The following PFDN1 variants were observed in gnomAD, a reference collection of about 807,000 sequenced individuals.
PFDN1 encodes prefoldin subunit 1.
In PFDN1, 6 loss-of-function variants were observed where a neutral mutation model predicts 17.3. The ratio of observed to expected loss-of-function variants is 0.35; its 90% CI spans 0.19 to 0.69. The LOEUF (loss-of-function observed/expected upper bound fraction) is 0.69, where lower values mean the gene tolerates loss of function less well. Among genes scored for constraint, PFDN1 ranks in the 30% least tolerant of loss-of-function variants. PFDN1 has a pLI of 0.65. For synonymous variants in PFDN1, 58 were observed against 50.1 expected (o/e 1.16, Z -0.67); for missense variants, 113 against 146.2 (o/e 0.77, Z 1.17).
intron 3 of PFDN1, among the ~76,000 whole-genome samples, chr5:140,263,845 C>G (rs1765097867): frequency 6.6e-6 from 1 of 151,426 alleles, no homozygotes; most frequent in African/African-American, 2.4e-5. Context: ...CACAGTGAAA[C>G]CCCGTCTCTA....
intron 3 of PFDN1, among the ~76,000 whole-genome samples, chr5:140,268,999 C>T (rs539807193): frequency 6.6e-6 from 1 of 151,992 alleles, no homozygotes; most frequent in Non-Finnish European, 1.5e-5. Flanking sequence ...AATAGGATTC[C>T]AATTAACTTT....
At position 140,245,091 on chromosome 5, in the gene PFDN1, T is replaced by G; in HGVS notation, c.*883A>C. 4.6e-6 allele frequency: 1 copy of G among 215,854 alleles called. No individual in the cohort carries two copies. 13.4% of individuals were successfully genotyped at this position (215,854 alleles called of 1,614,324 possible). A position where few individuals can be genotyped will look rare whatever the true frequency, so the allele number is the denominator to read the frequency against. ...ATTAGGGATGCATTTTGAATATTTA[T>G]TGTCCTTGTTTTTAACATAATTTGC... is the stretch of plus-strand genomic sequence containing the variant. On this transcript the variant is annotated 3_prime_UTR_variant, in exon 4 of 4. Transcript: ENST00000261813.
chr5:140,255,252 T>C (rs1334669855), intron 3 of PFDN1, among the ~76,000 whole-genome samples: 2 of 152,252 alleles, frequency 1.3e-5, no homozygotes, highest in Non-Finnish European at 2.9e-5. Flanking sequence ...CCTGTATGTA[T>C]AGTCTCTTCT....
intron 3 of PFDN1, among the ~76,000 whole-genome samples, chr5:140,249,287 TG>T (rs1764877856): frequency 6.6e-6 from 1 of 152,252 alleles, no homozygotes; most frequent in Non-Finnish European, 1.5e-5. Flanking sequence ...CAATCATTAG[TG>T]TCCAAACAAG....
intron 2 of PFDN1, among the ~76,000 whole-genome samples, chr5:140,283,360 G>A (rs1765438969): frequency 6.6e-6 from 1 of 152,102 alleles, no homozygotes; most frequent in Non-Finnish European, 1.5e-5. Flanking sequence ...AGCCTCCCGA[G>A]TAGCTGGGAC....
chr5:140,264,235 C>T (rs1561499000), intron 3 of PFDN1, among the ~76,000 whole-genome samples: 1 of 151,802 alleles, frequency 6.6e-6, no homozygotes, highest in Non-Finnish European at 1.5e-5. Context: ...CCCTCATGAT[C>T]CAATCACCTC....
chr5:140,272,027 T>TGTC (rs1209334214), intron 3 of PFDN1, among the ~76,000 whole-genome samples: 2 of 150,732 alleles, frequency 1.3e-5, no homozygotes, highest in Non-Finnish European at 3.0e-5. Context: ...ATATATTTGT[T>TGTC]GTTGTCTTTT....
chr5:140,288,820 A>G (rs1026555492), intron 2 of PFDN1, among the ~76,000 whole-genome samples: 3 of 152,026 alleles, frequency 2.0e-5, no homozygotes, highest in Non-Finnish European at 2.9e-5. Flanking sequence ...CTCCGTCTCT[A>G]CTAAAAATAA....
At chr5:140,249,930 G>C (rs1764889073) in intron 3 of PFDN1, among the ~76,000 whole-genome samples, 1 of 152,020 alleles carries the variant, frequency 6.6e-6, no homozygotes, top group African/African-American at 2.4e-5. Flanking sequence ...TGCGGGGGTT[G>C]GGGGGGTCTG....
intron 3 of PFDN1, among the ~76,000 whole-genome samples, chr5:140,247,691 C>T (rs2126676951): frequency 6.6e-6 from 1 of 152,302 alleles, no homozygotes; most frequent in South Asian, 2.1e-4. Context: ...ATAATCCCAA[C>T]ACTTTGGGAG....
chr5:140,300,661 C>T (rs1765730513), intron 1 of PFDN1, 79 bp from the exon 2 acceptor site: 2 of 916,846 alleles, frequency 2.2e-6, no homozygotes, highest in Admixed American at 2.5e-5. Context: ...TATATTAAAA[C>T]AAAATATGCT....
chr5:140,281,344 A>G (rs1294421250), intron 3 of PFDN1, 105 bp downstream of exon 3: 2 of 632,414 alleles, frequency 3.2e-6, no homozygotes, highest in Non-Finnish European at 5.6e-6. Context: ...AATAAAAATA[A>G]TATGACATTA....
chr5:140,302,789 A>C lies in PFDN1; in HGVS notation c.33+252T>G, dbSNP rs1765767493. On this transcript the variant is annotated intron_variant, in intron 1 of 3. Transcript: ENST00000261813. ...CAACGAAATGTCTCTGGAGCTCAGA[A>C]AGACTGGACAAGCCCGAGACAGGCC... Among the ~76,000 whole-genome samples the C allele has an allele frequency of 2.0e-5, 3 of 152,096 alleles. No homozygotes were observed. The South Asian group carries it at 6.2e-4, about 32-fold the overall frequency.
chr5:140,251,678 G>A (rs558276269), intron 3 of PFDN1, among the ~76,000 whole-genome samples: 3 of 152,174 alleles, frequency 2.0e-5, no homozygotes, highest in South Asian at 4.1e-4. Context: ...TGGGTGCAGC[G>A]ACATTCTTGT....
chr5:140,270,692 G>A (rs553064073), intron 3 of PFDN1, among the ~76,000 whole-genome samples: 2 of 152,262 alleles, frequency 1.3e-5, no homozygotes, highest in African/African-American at 4.8e-5. Context: ...TTGGGAGGCC[G>A]AGGCGGGCGG....
chr5:140,276,699 C>T (rs1373057311), intron 3 of PFDN1, among the ~76,000 whole-genome samples: 1 of 144,244 alleles, frequency 6.9e-6, no homozygotes, highest in East Asian at 2.1e-4. Context: ...GAGAATTGTT[C>T]CAACCCAGGA....
At chr5:140,260,611 T>C (rs139850205) in intron 3 of PFDN1, among the ~76,000 whole-genome samples, 1 of 149,610 alleles carries the variant, frequency 6.7e-6, no homozygotes, top group African/African-American at 2.5e-5. Context: ...TACTAGATGA[T>C]CCATTTATAA....
intron 3 of PFDN1, among the ~76,000 whole-genome samples, chr5:140,270,711 G>A (rs1159572039): frequency 1.3e-5 from 2 of 152,144 alleles, no homozygotes; most frequent in South Asian, 2.1e-4. Context: ...GGATAACGGG[G>A]TCAGGAGATC....
chr5:140,253,643 C>A (rs1764947985), intron 3 of PFDN1, among the ~76,000 whole-genome samples: 1 of 152,134 alleles, frequency 6.6e-6, no homozygotes, highest in African/African-American at 2.4e-5. Context: ...GCTGATCAAG[C>A]CTCAGCCAAA....
Sources: allele counts gnomAD v4.1 joint callset (sites outside exome capture counted in the v4.1 genomes callset), GRCh38; gene constraint gnomAD v4.1.1; transcripts MANE v1.5; gene names NCBI Gene and HGNC (gene_info 2026-07-23, HGNC 2026-07-21).